Variants in GALNT8 observed in about 807,000 individuals in gnomAD.
GALNT8 encodes the protein probable polypeptide N-acetylgalactosaminyltransferase 8.
A neutral mutation model predicts 62.7 loss-of-function variants in GALNT8; 66 were observed. The observed-to-expected ratio is 1.05, with a 90% CI of 0.86 to 1.29. The LOEUF is 1.29. Among genes scored for constraint, GALNT8 ranks in the 50% most tolerant of loss-of-function variants. The pLI is 0.00. For missense variants in GALNT8, 771 were observed against 791.8 expected (o/e 0.97, Z 0.32); for synonymous variants, 288 against 294.3 (o/e 0.98, Z 0.22).
intron 10 of GALNT8, among the ~76,000 whole-genome samples, chr12:4,766,746 CTG>C (rs1946401777): frequency 6.6e-6 from 1 of 152,094 alleles, no homozygotes; most frequent in East Asian, 1.9e-4. Context: ...CTGTCTCTGA[CTG>C]TGTCTCTGAA....
At chr12:4,771,636 A>G (rs1263740293) in intron 10 of GALNT8, among the ~76,000 whole-genome samples, 1 of 152,118 alleles carries the variant, frequency 6.6e-6, no homozygotes. Context: ...CACCCTGAGG[A>G]TGATAGCAGA....
rs115123716 is a variant in GALNT8, at chr12:4,752,186, C to T, written c.1173+5928C>T. ...TCTTATAGGCAACAGATCAGTGGGT[C>T]TTGTTTTTTCATTCATTTGGCCACT... On this transcript the variant is annotated intron_variant, in intron 6 of 10. Coordinates refer to ENST00000252318, the MANE Select transcript of GALNT8 (RefSeq NM_017417.2). Among the ~76,000 whole-genome samples, 1,178 of 151,988 alleles carry T rather than the reference C, an allele frequency of 7.8e-3. 15 individuals are homozygous for T. The highest frequency in any genetic ancestry group is 0.027 in the African/African-American group (1,129 of 41,478).
chr12:4,760,833 G>A (rs1393505307), intron 6 of GALNT8, 125 bp from the exon 7 acceptor site: 3 of 714,274 alleles, frequency 4.2e-6, no homozygotes, highest in Non-Finnish European at 7.3e-6. Context: ...CAATATAAAG[G>A]CAGGAGTGGG....
intron 2 of GALNT8, among the ~76,000 whole-genome samples, chr12:4,736,633 G>A (rs1946246493): frequency 6.6e-6 from 1 of 151,732 alleles, no homozygotes. Context: ...AGCATTAAAG[G>A]CTGAACACTG....
At chr12:4,746,107 A>G in intron 5 of GALNT8, 37 bp from the exon 6 acceptor site, 1 of 1,213,696 alleles carries the variant, frequency 8.2e-7, no homozygotes, top group South Asian at 1.2e-5. Flanking sequence ...TCCGCTCCTT[A>G]TGGAGAGATT....
chr12:4,744,222 C>T (rs1946285001), intron 3 of GALNT8, among the ~76,000 whole-genome samples: 3 of 152,198 alleles, frequency 2.0e-5, no homozygotes. Context: ...CTCTCAAGAA[C>T]TTCTCAACGT....
intron 4 of GALNT8, among the ~76,000 whole-genome samples, chr12:4,744,908 A>T (rs1459632304): frequency 6.6e-6 from 1 of 152,234 alleles, no homozygotes; most frequent in Non-Finnish European, 1.5e-5. Flanking sequence ...TTGGATCATA[A>T]TGCTGACTTT....
chr12:4,737,603 G>C (rs192826495), intron 2 of GALNT8, among the ~76,000 whole-genome samples: 2 of 152,322 alleles, frequency 1.3e-5, no homozygotes, highest in Non-Finnish European at 2.9e-5. Context: ...TTTTGTGATA[G>C]CCTAACTGCT....
chr12:4,761,409 A>G (rs889733926), intron 7 of GALNT8, among the ~76,000 whole-genome samples: 1 of 152,168 alleles, frequency 6.6e-6, no homozygotes, highest in African/African-American at 2.4e-5. Flanking sequence ...CAGATGAGGA[A>G]GCTGAGGCAC....
intron 4 of GALNT8, 124 bp from the exon 5 acceptor site, chr12:4,745,305 C>T (rs1946292188): frequency 2.9e-6 from 2 of 685,192 alleles, no homozygotes; most frequent in Admixed American, 2.1e-5. Flanking sequence ...TACTCACAAC[C>T]CAGTACAGCC....
At chr12:4,764,604 C>T (rs567787665) in intron 9 of GALNT8, among the ~76,000 whole-genome samples, 1 of 137,946 alleles carries the variant, frequency 7.2e-6, no homozygotes, top group Non-Finnish European at 1.5e-5. Flanking sequence ...AGTGCAGTGG[C>T]GCGGTCTCAG....
At chr12:4,754,980 G>A (rs949695506) in intron 6 of GALNT8, among the ~76,000 whole-genome samples, 1 of 152,200 alleles carries the variant, frequency 6.6e-6, no homozygotes, top group Non-Finnish European at 1.5e-5. Context: ...TGCAGTCAAA[G>A]TCCTCCTCAC....
intron 2 of GALNT8, among the ~76,000 whole-genome samples, chr12:4,729,893 C>A (rs550015910): frequency 6.6e-6 from 1 of 152,174 alleles, no homozygotes; most frequent in East Asian, 1.9e-4. Context: ...TACTTGTTAT[C>A]TTTTATTTTT....
chr12:4,761,236 C>A, intron 7 of GALNT8, 93 bp downstream of exon 7: 1 of 1,025,896 alleles, frequency 9.7e-7, no homozygotes, highest in Non-Finnish European at 1.5e-6. Flanking sequence ...AGTGCCATCG[C>A]AGCCCTAAAG....
intron 10 of GALNT8, among the ~76,000 whole-genome samples, chr12:4,767,755 G>T (rs897085563): frequency 1.3e-5 from 2 of 152,084 alleles, no homozygotes; most frequent in African/African-American, 4.8e-5. Context: ...TTTTTTGTTC[G>T]TGTGAAGAAA....
At chr12:4,740,565 A>T (rs141103796) in intron 3 of GALNT8, among the ~76,000 whole-genome samples, 1 of 151,936 alleles carries the variant, frequency 6.6e-6, no homozygotes, top group Admixed American at 6.6e-5. Flanking sequence ...CTGGGATTAT[A>T]GGAGTATGCC....
rs1946389650 is a variant in GALNT8, at chr12:4,764,560, T to TTC, written c.1593+514_1593+515insCT. 3.2e-5 allele frequency among the ~76,000 whole-genome samples: 4 copies of TTC among 123,380 alleles called. 1 individual carries two copies. Among genetic ancestry groups the TTC allele is most frequent in the African/African-American group, 6.5e-5 (2 of 30,742 alleles). The allele number at this position is 123,380 out of a possible 152,430, so 80.9% of individuals were successfully genotyped here. ...TTTTTTTTTTTTTTTTTTTTTTTTT[T>TTC]TGAGACAGAGTCTCGATCTGTCGCC... On this transcript the variant is annotated intron_variant, in intron 9 of 10. Transcript: ENST00000252318.
At chr12:4,722,263 A>G (rs1291502676) in intron 1 of GALNT8, among the ~76,000 whole-genome samples, 1 of 152,034 alleles carries the variant, frequency 6.6e-6, no homozygotes, top group Admixed American at 6.6e-5. Context: ...CCTCGCTTCC[A>G]TTTTGCGGTG....
chr12:4,721,964 C>A (rs1946172350), intron 1 of GALNT8, among the ~76,000 whole-genome samples: 1 of 152,088 alleles, frequency 6.6e-6, no homozygotes, highest in African/African-American at 2.4e-5. Context: ...TCTTAACGAG[C>A]ATGCTGCCTT....
Sources: gnomAD v4.1 joint callset for allele counts (sites outside exome capture counted in the v4.1 genomes callset) on GRCh38, gnomAD v4.1.1 for gene constraint, MANE v1.5 for transcripts, NCBI Gene and HGNC (gene_info 2026-07-23, HGNC 2026-07-21) for gene names.